ARV1: variants seen among roughly 807,000 people sequenced by gnomAD.
ARV1 encodes the protein protein ARV1.
Under a neutral mutation model 31.1 loss-of-function variants are expected in ARV1, and 26 were observed. That is an observed-to-expected ratio of 0.84 (90% confidence interval 0.61 to 1.16). The LOEUF is 1.16. Ranked by LOEUF, ARV1 falls within the 50% of genes most tolerant of loss-of-function variation. The pLI is 0.00. For missense variants in ARV1, 281 were observed against 324.9 expected, an observed-to-expected ratio of 0.86 and a Z score of 1.04; for synonymous variants, 117 against 123.2, an observed-to-expected ratio of 0.95 and a Z score of 0.34.
In ARV1 at chr1:230,980,126, G is replaced by A. The variant is rs115578324; in HGVS notation, c.174+847G>A. On this transcript the variant is annotated intron_variant, in intron 1 of 5. Coordinates refer to ENST00000310256, the MANE Select transcript of ARV1 (RefSeq NM_022786.3). ...CTGTATAATCTGCCAACCACATAACGTTCTGATGCATACAACCTCAATTTC... is the reference window on the plus strand; with the variant it reads ...CTGTATAATCTGCCAACCACATAACATTCTGATGCATACAACCTCAATTTC... 1.9e-4 allele frequency among the ~76,000 whole-genome samples: 29 copies of A among 152,154 alleles called. No individual in the cohort carries two copies. The East Asian group carries it at 5.4e-3, about 28-fold the overall frequency.
chr1:230,994,781 T>C (rs1679317713), intron 3 of ARV1, among the ~76,000 whole-genome samples: 3 of 152,158 alleles, frequency 2.0e-5, no homozygotes, highest in Non-Finnish European at 2.9e-5. Flanking sequence ...CCTGACCTTG[T>C]GATCCGCCTG....
intron 3 of ARV1, among the ~76,000 whole-genome samples, chr1:230,992,572 C>T (rs1572341063): frequency 1.3e-5 from 2 of 152,324 alleles, no homozygotes; most frequent in Middle Eastern, 3.4e-3. Flanking sequence ...GTGTTAGTCA[C>T]GGTTGTAGCT....
chr1:230,998,005 G>A (rs554636089), intron 5 of ARV1, among the ~76,000 whole-genome samples: 1 of 152,314 alleles, frequency 6.6e-6, no homozygotes, highest in South Asian at 2.1e-4. Context: ...TGAGAATTGA[G>A]ACCTTCACAA....
chr1:230,999,002 G>A (rs1490893705), intron 5 of ARV1, among the ~76,000 whole-genome samples: 1 of 152,138 alleles, frequency 6.6e-6, no homozygotes, highest in African/African-American at 2.4e-5. Flanking sequence ...TCTGGCTTTT[G>A]GCTCCTGCTG....
In ARV1 at chr1:230,995,865, T is replaced by C. The variant is rs779804808; in HGVS notation, c.554T>C (p.Leu185Ser). 13 of 1,614,160 alleles carry C rather than the reference T, an allele frequency of 8.1e-6. No homozygotes were observed. The highest frequency in any genetic ancestry group is 1.6e-4 in the Middle Eastern group (1 of 6,062). ...NFILLLKALL[L>S]SSYGKLLLIP... ...ATTTTGCTGCTGAAAGCATTATTAT[T>C]ATCTAGCTACGGAAAACTCTTGCTG... is the stretch of plus-strand genomic sequence containing the variant. The change falls in exon 4 of 6, where the codon TTA (leucine) becomes TCA (serine). Residue 185 changes from leucine (L) to serine (S), a missense_variant. Leu to Ser is a moderately radical substitution (Grantham distance 145). Coordinates refer to ENST00000310256, the MANE Select transcript of ARV1 (RefSeq NM_022786.3).
intron 3 of ARV1, among the ~76,000 whole-genome samples, chr1:230,994,699 T>G (rs993370357): frequency 4.6e-5 from 7 of 152,048 alleles, no homozygotes; most frequent in African/African-American, 1.4e-4. Flanking sequence ...CTGCCACCAC[T>G]CCCGGCTAAT....
rs151268106 is a variant in ARV1, at chr1:230,981,550, A to G, written c.174+2271A>G. Among the ~76,000 whole-genome samples the G allele has an allele frequency of 2.7e-3, 417 of 152,298 alleles. 2 individuals are homozygous for G. The highest frequency in any genetic ancestry group is 7.3e-3 in the Admixed American group (111 of 15,302). On this transcript the variant is annotated intron_variant, in intron 1 of 5. Coordinates refer to ENST00000310256, the MANE Select transcript of ARV1 (RefSeq NM_022786.3). ...TACTTCTCACTACTCCTGCTGCTAC[A>G]ATCCTCATCCAAGCCACCATGATGT...
intron 3 of ARV1, among the ~76,000 whole-genome samples, chr1:230,992,548 G>T (rs1191354380): frequency 6.6e-6 from 1 of 152,210 alleles, no homozygotes; most frequent in South Asian, 2.1e-4. Flanking sequence ...AACTGAATGA[G>T]GTCAGGGCTC....
chr1:230,994,110 T>C (rs1679300832), intron 3 of ARV1, among the ~76,000 whole-genome samples: 1 of 152,184 alleles, frequency 6.6e-6, no homozygotes, highest in African/African-American at 2.4e-5. Context: ...CCCCCTTCAG[T>C]GTTTTCCACA....
At chr1:230,997,506 A>G (rs898123122) in intron 5 of ARV1, among the ~76,000 whole-genome samples, 1 of 151,748 alleles carries the variant, frequency 6.6e-6, no homozygotes, top group Non-Finnish European at 1.5e-5. Context: ...CTAGGGTCCT[A>G]TCCTCACAAT....
At chr1:230,985,995 T>C (rs560199160) in intron 1 of ARV1, among the ~76,000 whole-genome samples, 2 of 152,120 alleles carry the variant, frequency 1.3e-5, no homozygotes, top group African/African-American at 4.8e-5. Context: ...CAGCTCACTG[T>C]AAGCTCCGCC....
chr1:230,991,971 G>A lies in ARV1; in HGVS notation c.448+1708G>A, dbSNP rs555723271. 7.9e-5 allele frequency among the ~76,000 whole-genome samples: 12 copies of A among 152,138 alleles called. 1 individual carries two copies. The highest frequency in any genetic ancestry group is 3.9e-4 in the East Asian group (2 of 5,182). On this transcript the variant is annotated intron_variant, in intron 3 of 5. Coordinates refer to ENST00000310256, the MANE Select transcript of ARV1 (RefSeq NM_022786.3). ...TACTGCTACCCTCCATTCCCTCCACGGCTGCCACACTGTTGCAGGCCACTC... is the reference window on the plus strand; with the variant it reads ...TACTGCTACCCTCCATTCCCTCCACAGCTGCCACACTGTTGCAGGCCACTC...
In ARV1 at chr1:230,988,247, G is replaced by T. The variant is rs547717929; in HGVS notation, c.175-73G>T. The T allele has an allele frequency of 3.8e-5, 51 of 1,354,458 alleles. 1 individual carries two copies. In the South Asian group the frequency reaches 6.5e-4, roughly 17 times the overall value. The allele number at this position is 1,354,458 out of a possible 1,614,324, so 83.9% of individuals were successfully genotyped here. On this transcript the variant is annotated intron_variant, in intron 1 of 5. Coordinates refer to ENST00000310256, the MANE Select transcript of ARV1 (RefSeq NM_022786.3). ...GCTATCTGTGTCCAAAATAGACTCTGCTGTTTTGAAATCCTTGAGGATTTC... is the reference window on the plus strand; with the variant it reads ...GCTATCTGTGTCCAAAATAGACTCTTCTGTTTTGAAATCCTTGAGGATTTC...
At chr1:230,986,450 G>T (rs7553274) in intron 1 of ARV1, among the ~76,000 whole-genome samples, 151,901 of 152,212 alleles carry the variant, frequency 1, 75,796 homozygotes, top group Middle Eastern at 1. Flanking sequence ...CAGCCTAGAA[G>T]GTTTTTACAC....
intron 5 of ARV1, among the ~76,000 whole-genome samples, chr1:230,997,877 C>G (rs1238177926): frequency 3.9e-5 from 6 of 152,186 alleles, no homozygotes; most frequent in African/African-American, 1.4e-4. Context: ...TGCACAGAAC[C>G]TCAGAAGATG....
chr1:230,995,948 G>A lies in ARV1; in HGVS notation c.637G>A (p.Val213Ile). 6.2e-7 allele frequency: 1 copy of A among 1,613,738 alleles called. No homozygotes were observed. The highest frequency in any genetic ancestry group is 1.3e-5 in the African/African-American group (1 of 75,026). The change falls in exon 4 of 6, where the codon GTA becomes ATA. Residue 213 changes from valine to isoleucine, a missense_variant. Physicochemically the swap from Val to Ile is conservative, Grantham distance 29 (BLOSUM62 3). Transcript: ENST00000310256. ...YTSVCLKLIK[V>I]FVLTSNFQAI... ...ATCTGTGTGCCTCAAACTCATTAAA[G>A]TATTTGTTCTTACATCAAATTTTCA...
At chr1:230,980,753 C>A (rs12071294) in intron 1 of ARV1, among the ~76,000 whole-genome samples, 48,782 of 147,636 alleles carry the variant, frequency 0.33, 8,283 homozygotes, top group Middle Eastern at 0.56. Context: ...CATACTGTTA[C>A]TTCTTCCATC....
intron 4 of ARV1, among the ~76,000 whole-genome samples, chr1:230,996,734 G>A (rs1003479519): frequency 2.6e-5 from 4 of 152,092 alleles, no homozygotes; most frequent in South Asian, 2.1e-4. Context: ...GTGCCTGGCC[G>A]AAGTCCTATT....
chr1:230,979,406 C>T, intron 1 of ARV1, 127 bp downstream of exon 1: 1 of 1,090,938 alleles, frequency 9.2e-7, no homozygotes. Context: ...GGGATCTTTG[C>T]ATGAATATCT....
Sources: gnomAD v4.1 joint callset for allele counts (sites outside exome capture counted in the v4.1 genomes callset) on GRCh38, gnomAD v4.1.1 for gene constraint, MANE v1.5 for transcripts, NCBI Gene and HGNC (gene_info 2026-07-23, HGNC 2026-07-21) for gene names.